The following SCD5 variants were observed in gnomAD, a reference collection of about 807,000 sequenced individuals.
The protein encoded by SCD5 is acyl-CoA-desaturase 4.
In SCD5, 20 loss-of-function variants were observed where a neutral mutation model predicts 30.4. That is an observed-to-expected ratio of 0.66 (90% CI 0.46 to 0.96). SCD5 has a LOEUF of 0.96. Among genes scored for constraint, SCD5 ranks in the 40% least tolerant of loss-of-function variants. The pLI is 0.00. For synonymous variants in SCD5, 173 were observed against 176.4 expected, an observed-to-expected ratio of 0.98 and a Z score of 0.16; for missense variants, 381 against 443.3, an observed-to-expected ratio of 0.86 and a Z score of 1.26.
At chr4:82,732,595 T>G (rs551411362) in intron 1 of SCD5, among the ~76,000 whole-genome samples, 3 of 152,202 alleles carry the variant, frequency 2.0e-5, no homozygotes, top group South Asian at 4.1e-4. Context: ...ACCTTGTGCC[T>G]TGAGTTGCTG....
chr4:82,747,071 C>CCCCTG (rs1553918957), intron 1 of SCD5, among the ~76,000 whole-genome samples: 3 of 103,102 alleles, frequency 2.9e-5, no homozygotes, highest in Non-Finnish European at 6.3e-5. Flanking sequence ...GGCAACCTGC[C>CCCCTG]CCCCAAGAAA....
At chr4:82,788,115 A>G (rs1722023530) in intron 1 of SCD5, among the ~76,000 whole-genome samples, 1 of 152,212 alleles carries the variant, frequency 6.6e-6, no homozygotes, top group Non-Finnish European at 1.5e-5. Context: ...ATGTGAAGAC[A>G]CAGAAAGAAG....
At chr4:82,700,872 C>G (rs951041461) in intron 2 of SCD5, among the ~76,000 whole-genome samples, 1 of 141,802 alleles carries the variant, frequency 7.1e-6, no homozygotes, top group African/African-American at 2.5e-5. Context: ...CACCAGTATA[C>G]TTGCCTTGCA....
At chr4:82,722,656 C>A (rs894648390) in intron 1 of SCD5, among the ~76,000 whole-genome samples, 2 of 105,738 alleles carry the variant, frequency 1.9e-5, no homozygotes, top group Non-Finnish European at 3.7e-5. Flanking sequence ...ATCCCAGCTA[C>A]TGAGGAGCTG....
intron 1 of SCD5, among the ~76,000 whole-genome samples, chr4:82,791,575 G>A (rs958822448): frequency 6.6e-6 from 1 of 152,184 alleles, no homozygotes. Flanking sequence ...GGATGGAAAA[G>A]GAAGGCTAAC....
At chr4:82,766,585 T>C (rs183298765) in intron 1 of SCD5, among the ~76,000 whole-genome samples, 1 of 152,350 alleles carries the variant, frequency 6.6e-6, no homozygotes, top group Admixed American at 6.5e-5. Context: ...TTTCTATTGA[T>C]TGCTTTTTCT....
intron 3 of SCD5, among the ~76,000 whole-genome samples, chr4:82,637,781 T>A (rs116428648): frequency 0.011 from 1,645 of 152,336 alleles, 35 homozygotes; most frequent in African/African-American, 0.037. Context: ...GCATGAAATT[T>A]GGTAGGTGGA....
intron 1 of SCD5, among the ~76,000 whole-genome samples, chr4:82,730,231 TAA>T (rs1720598075): frequency 2.7e-5 from 1 of 36,972 alleles, no homozygotes; most frequent in African/African-American, 1.9e-4. Context: ...ATATTATATA[TAA>T]TATTTAAAAA....
At chr4:82,686,459 T>C (rs1377979625) in intron 2 of SCD5, among the ~76,000 whole-genome samples, 1 of 152,246 alleles carries the variant, frequency 6.6e-6, no homozygotes, top group African/African-American at 2.4e-5. Context: ...AAATTGTGCA[T>C]ATATTTTCAT....
chr4:82,798,713 G>A lies in SCD5; in HGVS notation c.-176C>T. The A allele has an allele frequency of 1.7e-6, 1 of 596,578 alleles. No individual in the cohort carries two copies. Among genetic ancestry groups the A allele is most frequent in the Non-Finnish European group, 2.8e-6 (1 of 351,054 alleles). 37.0% of individuals were successfully genotyped at this position (596,578 alleles called of 1,614,324 possible). On this transcript the variant is annotated 5_prime_UTR_variant, in exon 1 of 5. Transcript: ENST00000319540. Reference sequence around the variant, plus strand: ...GCGCTCTTCCCCAGGGTCTTAGCGTGGCCTAGGGATGCAGATCTTGGCGGC... The same window carrying A: ...GCGCTCTTCCCCAGGGTCTTAGCGTAGCCTAGGGATGCAGATCTTGGCGGC...
chr4:82,741,185 C>A (rs531406295), intron 1 of SCD5, among the ~76,000 whole-genome samples: 1 of 151,916 alleles, frequency 6.6e-6, no homozygotes, highest in African/African-American at 2.4e-5. Context: ...GCAATCTGCC[C>A]GCCTCAGCTC....
chr4:82,712,029 G>A (rs140947389), intron 1 of SCD5, among the ~76,000 whole-genome samples: 48 of 151,074 alleles, frequency 3.2e-4, no homozygotes, highest in African/African-American at 1.1e-3. Flanking sequence ...TATGTGCCAG[G>A]CCCTCTTTAA....
At chr4:82,786,938 C>T (rs530968719) in intron 1 of SCD5, among the ~76,000 whole-genome samples, 8 of 151,032 alleles carry the variant, frequency 5.3e-5, no homozygotes, top group South Asian at 2.1e-4. Flanking sequence ...GCCACAGTCC[C>T]GCTCTACACA....
At chr4:82,726,703 T>C (rs550833271) in intron 1 of SCD5, among the ~76,000 whole-genome samples, 33 of 152,328 alleles carry the variant, frequency 2.2e-4, no homozygotes, top group African/African-American at 7.9e-4. Flanking sequence ...TTCTATTTTA[T>C]TATGCTTTAA....
intron 1 of SCD5, among the ~76,000 whole-genome samples, chr4:82,743,037 C>A (rs1224919095): frequency 2.0e-5 from 3 of 152,164 alleles, no homozygotes; most frequent in African/African-American, 7.2e-5. Context: ...GAGGCTCCCA[C>A]CTAGCCCCCA....
intron 3 of SCD5, among the ~76,000 whole-genome samples, chr4:82,653,288 T>G (rs1484099629): frequency 1.3e-5 from 2 of 152,208 alleles, no homozygotes; most frequent in Non-Finnish European, 2.9e-5. Flanking sequence ...TTCCTGGTAG[T>G]TGGTGCAGTT....
rs10701664 is a variant in SCD5 at position 82,702,130 on chromosome 4, C to CTTTTTTTTTTTTTT, written c.363+3139_363+3152dup. Among the ~76,000 whole-genome samples, 93 of 64,114 alleles carry CTTTTTTTTTTTTTT rather than the reference C, an allele frequency of 1.5e-3. 7 individuals carry two copies. The highest frequency in any genetic ancestry group is 7.9e-3 in the East Asian group (9 of 1,146). The allele number at this position is 64,114 out of a possible 152,430, so 42.1% of individuals were successfully genotyped here. A position where few individuals can be genotyped will look rare whatever the true frequency, so the allele number is the denominator to read the frequency against. On this transcript the variant is annotated intron_variant, in intron 2 of 4. Coordinates refer to ENST00000319540, the MANE Select transcript of SCD5 (RefSeq NM_001037582.3). Reference sequence around the variant, plus strand: ...TCAGGCATTCCTGCCCCATCATCATCTTTTTTTTTTTTTTTTTTTTTTTTT... The same window carrying CTTTTTTTTTTTTTT: ...TCAGGCATTCCTGCCCCATCATCATCTTTTTTTTTTTTTTTTTTTTTTTTTTTTTTTTTTTTTTT...
chr4:82,670,195 A>G (rs532739657), intron 3 of SCD5, among the ~76,000 whole-genome samples: 165 of 152,370 alleles, frequency 1.1e-3, no homozygotes, highest in South Asian at 6.4e-3. Context: ...AGATATAGCA[A>G]GGACCTTGGA....
At chr4:82,693,323 C>T (rs562168780) in intron 2 of SCD5, among the ~76,000 whole-genome samples, 28 of 152,192 alleles carry the variant, frequency 1.8e-4, no homozygotes, top group African/African-American at 6.7e-4. Flanking sequence ...CTCTCATTGC[C>T]TGTCCCTATT....
Sources: allele counts gnomAD v4.1 joint callset (sites outside exome capture counted in the v4.1 genomes callset), GRCh38; gene constraint gnomAD v4.1.1; transcripts MANE v1.5; gene names NCBI Gene and HGNC (gene_info 2026-07-23, HGNC 2026-07-21).